Variants in ZWILCH observed in about 807,000 individuals in gnomAD.
The protein encoded by ZWILCH is protein zwilch homolog.
ZWILCH carries 74 observed loss-of-function variants against 79.9 expected under a neutral mutation model. That is an observed-to-expected ratio of 0.93 (90% CI 0.77 to 1.12). The LOEUF (loss-of-function observed/expected upper bound fraction) is 1.12. ZWILCH is among the 50% of genes most tolerant of loss of function. The pLI is 0.00. For synonymous variants in ZWILCH, 241 were observed against 228.2 expected (o/e 1.06, Z -0.51); for missense variants, 694 against 687.5 (o/e 1.01, Z -0.11).
At position 66,525,031 on chromosome 15, in the gene ZWILCH, TG is replaced by T. The variant is rs369521088; in HGVS notation, c.819+1286del. Among the ~76,000 whole-genome samples, 644 of 152,300 alleles carry T rather than the reference TG, an allele frequency of 4.2e-3. 9 individuals carry two copies. The highest frequency in any genetic ancestry group is 0.015 in the African/African-American group (606 of 41,572). On this transcript the variant is annotated intron_variant, in intron 8 of 18. Coordinates refer to ENST00000307897, the MANE Select transcript of ZWILCH (RefSeq NM_017975.5). ...AACTTCCACCAAATTATTTCCCACT[TG>T]GGTAGAGTGCTATTGCTTCAAGAGT...
chr15:66,525,457 CAT>C (rs1567046143), intron 8 of ZWILCH, among the ~76,000 whole-genome samples: 1 of 152,192 alleles, frequency 6.6e-6, no homozygotes, highest in Non-Finnish European at 1.5e-5. Flanking sequence ...TTTTATTCCA[CAT>C]ATACCTTGCT....
At chr15:66,508,539 A>G (rs987996599) in intron 1 of ZWILCH, among the ~76,000 whole-genome samples, 1 of 152,244 alleles carries the variant, frequency 6.6e-6, no homozygotes, top group African/African-American at 2.4e-5. Flanking sequence ...TTGAAAAGAC[A>G]CACAGTAGAA....
chr15:66,533,220 G>C (rs1322235159), intron 14 of ZWILCH, among the ~76,000 whole-genome samples: 1 of 152,112 alleles, frequency 6.6e-6, no homozygotes, highest in African/African-American at 2.4e-5. Flanking sequence ...CTATAAATTT[G>C]TGATACTTAT....
intron 12 of ZWILCH, among the ~76,000 whole-genome samples, chr15:66,530,361 C>T (rs1053937325): frequency 2.6e-5 from 4 of 152,264 alleles, no homozygotes; most frequent in South Asian, 2.1e-4. Context: ...TCCAGTCAGG[C>T]GTGGTGACTC....
intron 2 of ZWILCH, among the ~76,000 whole-genome samples, chr15:66,512,442 A>C (rs1489162324): frequency 7.3e-5 from 11 of 150,770 alleles, no homozygotes; most frequent in African/African-American, 2.7e-4. Context: ...TTTTTAAGAG[A>C]CATGGTCTTG....
chr15:66,518,413 T>C (rs941955243), intron 4 of ZWILCH, among the ~76,000 whole-genome samples: 1 of 150,772 alleles, frequency 6.6e-6, no homozygotes, highest in Middle Eastern at 3.4e-3. Context: ...TCCCAGTAAC[T>C]GGGACTACAG....
At chr15:66,520,530 T>C in intron 5 of ZWILCH, 60 bp from the exon 6 acceptor site, 1 of 848,314 alleles carries the variant, frequency 1.2e-6, no homozygotes, top group Non-Finnish European at 1.9e-6. Flanking sequence ...TACAGTTTTG[T>C]AGCTCTGACA....
chr15:66,517,430 G>GTGTGTGTGTGTGTGTGTA, intron 4 of ZWILCH, among the ~76,000 whole-genome samples: 5 of 66,524 alleles, frequency 7.5e-5, no homozygotes, highest in Non-Finnish European at 1.2e-4. Context: ...GTGTGTGTGT[G>GTGTGTGTGTGTGTGTGTA]TATATATATA....
intron 2 of ZWILCH, 42 bp from the exon 3 acceptor site, chr15:66,513,946 T>G (rs760819434): frequency 2.1e-6 from 3 of 1,429,662 alleles, no homozygotes; most frequent in South Asian, 1.2e-5. Flanking sequence ...AGTAGAAATA[T>G]ATAAGTGTAT....
Position 66,535,918 on chromosome 15 carries a change from A to AT in ZWILCH, c.1342-9dup, listed in dbSNP as rs779706079. The AT allele has an allele frequency of 3.8e-6, 6 of 1,587,888 alleles. No homozygotes were observed. The highest frequency in any genetic ancestry group is 4.5e-5 in the East Asian group (2 of 43,990). On this transcript the variant is annotated splice_polypyrimidine_tract_variant and intron_variant, in intron 14 of 18. Transcript: ENST00000307897. ...TGCTTTAAATCTCTATTTTGCTTAT[A>AT]TTTTTTCATTCCAGGAATACTTCAT...
rs760875298 is a variant in ZWILCH, at chr15:66,532,324, C to T, written c.1233C>T (p.Leu411=). Residue 411 remains leucine (L), a synonymous_variant, in exon 13 of 19, where the codon CTC becomes CTT. Coordinates refer to ENST00000307897, the MANE Select transcript of ZWILCH (RefSeq NM_017975.5). ...SYHGTMDTVS[L]SGTIPVQMLL... The stretch of plus-strand genomic sequence containing the variant: ...ATGGAACCATGGACACAGTTTCTCT[C>T]AGTGGGACTATTCCAGTTCAAATGC... 2.5e-6 allele frequency: 4 copies of T among 1,612,886 alleles called. No homozygotes were observed. The South Asian group carries it at 4.4e-5, about 18-fold the overall frequency.
At chr15:66,529,370 C>T (rs1894790499) in intron 11 of ZWILCH, 124 bp from the exon 12 acceptor site, 4 of 528,462 alleles carry the variant, frequency 7.6e-6, no homozygotes, top group Non-Finnish European at 1.3e-5. Flanking sequence ...ATTTCTTTCC[C>T]TTTCCCCTGC....
At chr15:66,512,642 CTG>C (rs543193715) in intron 2 of ZWILCH, among the ~76,000 whole-genome samples, 4 of 152,186 alleles carry the variant, frequency 2.6e-5, no homozygotes, top group Non-Finnish European at 5.9e-5. Context: ...GAATCTCACT[CTG>C]TTGCCCAGGC....
intron 17 of ZWILCH, among the ~76,000 whole-genome samples, chr15:66,544,806 C>T (rs978133510): frequency 2.7e-5 from 4 of 148,770 alleles, no homozygotes; most frequent in South Asian, 2.1e-4. Context: ...TGCAGTGGCG[C>T]GATCTCGGCT....
chr15:66,513,658 G>C (rs951205500), intron 2 of ZWILCH, among the ~76,000 whole-genome samples: 1 of 150,290 alleles, frequency 6.7e-6, no homozygotes, highest in African/African-American at 2.4e-5. Flanking sequence ...TGCAAGCCCC[G>C]CCTCCCGGGT....
chr15:66,513,635 G>T (rs1894149549), intron 2 of ZWILCH, among the ~76,000 whole-genome samples: 1 of 150,868 alleles, frequency 6.6e-6, no homozygotes, highest in Admixed American at 6.6e-5. Flanking sequence ...GCAGTGGCAC[G>T]ATCTCGGCTC....
At chr15:66,526,448 G>A (rs549254535) in intron 8 of ZWILCH, among the ~76,000 whole-genome samples, 12 of 151,486 alleles carry the variant, frequency 7.9e-5, no homozygotes, top group South Asian at 2.1e-4. Flanking sequence ...TGGCTTTTGC[G>A]GCCTAACTTG....
chr15:66,518,657 A>G (rs906102649), intron 4 of ZWILCH, among the ~76,000 whole-genome samples: 12 of 152,162 alleles, frequency 7.9e-5, no homozygotes, highest in Non-Finnish European at 1.6e-4. Context: ...TACAAAACAT[A>G]AAAATAAGCC....
chr15:66,520,263 G>A (rs1319759042), intron 5 of ZWILCH, among the ~76,000 whole-genome samples: 1 of 151,742 alleles, frequency 6.6e-6, no homozygotes. Flanking sequence ...TGGGACTACA[G>A]GCACATGCCA....
Sources: allele counts gnomAD v4.1 joint callset (sites outside exome capture counted in the v4.1 genomes callset), GRCh38; gene constraint gnomAD v4.1.1; transcripts MANE v1.5; gene names NCBI Gene and HGNC (gene_info 2026-07-23, HGNC 2026-07-21).